PAG1: variants seen among roughly 807,000 people sequenced by gnomAD.
PAG1 encodes phosphoprotein membrane anchor with glycosphingolipid microdomains 1.
In PAG1, 23 loss-of-function variants were observed where a neutral mutation model predicts 31.7. The ratio of observed to expected loss-of-function variants is 0.73; its 90% CI spans 0.52 to 1.03. The LOEUF is 1.03. Ranked by LOEUF, PAG1 falls within the 50% of genes least tolerant of loss-of-function variation. The pLI, the probability that PAG1 is intolerant of heterozygous loss-of-function variation, is 0.00. For missense variants in PAG1, 473 were observed against 540.7 expected (o/e 0.87, Z 1.24); for synonymous variants, 214 against 210.3 (o/e 1.02, Z -0.15).
rs1374013712 is a variant in PAG1, at chr8:80,984,998, A to G, written c.654T>C (p.Thr218=). ...ATTCAGCAAACTCAGCTTTGCCTTC[A>G]GTCTGGGGCCCTGGGAGCTCTTTCG... is the stretch of plus-strand genomic sequence containing the variant. ...SASKELPGPQ[T]EGKAEFAEYA... is the part of the protein sequence containing the mutation. Residue 218 remains threonine (T), a synonymous_variant, in exon 7 of 9, where the codon ACT becomes ACC. Coordinates refer to ENST00000220597, the MANE Select transcript of PAG1 (RefSeq NM_018440.4). The G allele has an allele frequency of 6.2e-7, 1 of 1,613,978 alleles. No homozygotes were observed. Among genetic ancestry groups the G allele is most frequent in the Non-Finnish European group, 8.5e-7 (1 of 1,179,998 alleles).
At chr8:81,062,638 A>G (rs1194869204) in intron 2 of PAG1, among the ~76,000 whole-genome samples, 2 of 152,210 alleles carry the variant, frequency 1.3e-5, no homozygotes, top group Admixed American at 6.5e-5. Context: ...CTGATTTGTC[A>G]TAGTTAAAGC....
chr8:81,018,108 G>A (rs965936965), intron 3 of PAG1, among the ~76,000 whole-genome samples: 9 of 152,184 alleles, frequency 5.9e-5, no homozygotes, highest in African/African-American at 1.4e-4. Flanking sequence ...TAATTAACTC[G>A]ACAAGCATAA....
chr8:81,068,555 G>A (rs1231885308), intron 2 of PAG1, among the ~76,000 whole-genome samples: 1 of 152,120 alleles, frequency 6.6e-6, no homozygotes, highest in Non-Finnish European at 1.5e-5. Context: ...CTTATATCTA[G>A]TCAGAAAAAA....
chr8:80,984,452 A>C (rs970600982), intron 7 of PAG1, among the ~76,000 whole-genome samples: 2 of 152,130 alleles, frequency 1.3e-5, no homozygotes, highest in African/African-American at 4.8e-5. Flanking sequence ...AATGGGTAAA[A>C]TGTGTGGGCA....
intron 2 of PAG1, among the ~76,000 whole-genome samples, chr8:81,061,709 G>C (rs1808919805): frequency 6.6e-6 from 1 of 152,202 alleles, no homozygotes; most frequent in African/African-American, 2.4e-5. Flanking sequence ...TGTAGGTGAA[G>C]ACTGACAAAA....
At chr8:81,031,624 TA>T (rs1232569727) in intron 2 of PAG1, among the ~76,000 whole-genome samples, 1 of 152,268 alleles carries the variant, frequency 6.6e-6, no homozygotes, top group Non-Finnish European at 1.5e-5. Context: ...AACAATTTTT[TA>T]AAAAATGTCA....
At chr8:80,991,372 C>T (rs1466246861) in intron 5 of PAG1, 107 bp downstream of exon 5, 6 of 833,262 alleles carry the variant, frequency 7.2e-6, no homozygotes, top group African/African-American at 1.7e-5. Context: ...CTTAGCTCTC[C>T]CCGTGGGTTC....
In PAG1 at chr8:81,104,559, C is replaced by A. The variant is rs575499926; in HGVS notation, c.-234+7032G>T. 5.3e-5 allele frequency among the ~76,000 whole-genome samples: 8 copies of A among 152,282 alleles called. No homozygotes were observed. The East Asian group carries it at 9.6e-4, about 18-fold the overall frequency. ...TGCATCTCAGGTCCTGAATGTCCCT[C>A]TGGTGCCTCACAGTGCATAAATCCA... On this transcript the variant is annotated intron_variant, in intron 1 of 8. Transcript: ENST00000220597.
intron 1 of PAG1, among the ~76,000 whole-genome samples, chr8:81,088,990 T>C (rs1338428335): frequency 6.6e-6 from 1 of 152,222 alleles, no homozygotes; most frequent in Non-Finnish European, 1.5e-5. Flanking sequence ...TTTAATATGC[T>C]AAATGATTTT....
intron 3 of PAG1, among the ~76,000 whole-genome samples, chr8:80,999,116 G>A (rs932170366): frequency 5.9e-5 from 9 of 152,228 alleles, no homozygotes; most frequent in Non-Finnish European, 1.0e-4. Context: ...CCCAGAAAGA[G>A]TTTTAAGCTA....
At chr8:81,060,662 C>G (rs1360447733) in intron 2 of PAG1, among the ~76,000 whole-genome samples, 2 of 152,178 alleles carry the variant, frequency 1.3e-5, no homozygotes, top group Non-Finnish European at 2.9e-5. Flanking sequence ...ATGGCCAGAA[C>G]TAGTTTGGAA....
At chr8:81,001,168 T>C (rs1305782103) in intron 3 of PAG1, among the ~76,000 whole-genome samples, 2 of 152,220 alleles carry the variant, frequency 1.3e-5, no homozygotes, top group Admixed American at 6.5e-5. Flanking sequence ...TACAAGTTTT[T>C]TCCTTCCTTA....
intron 8 of PAG1, 107 bp downstream of exon 8, chr8:80,980,328 A>T: frequency 1.5e-6 from 1 of 680,730 alleles, no homozygotes; most frequent in South Asian, 1.7e-5. Context: ...TAGGCATAGG[A>T]GAATATTTCA....
Position 81,101,328 on chromosome 8 carries a change from A to T in PAG1, c.-234+10263T>A, listed in dbSNP as rs116303462. ...ATTTTGGGCAAAGTGACCACTACATAATAAAGCAAAAGAAAAATATTCGTA... is the reference window on the plus strand; with the variant it reads ...ATTTTGGGCAAAGTGACCACTACATTATAAAGCAAAAGAAAAATATTCGTA... On this transcript the variant is annotated intron_variant, in intron 1 of 8. Coordinates refer to ENST00000220597, the MANE Select transcript of PAG1 (RefSeq NM_018440.4). Among the ~76,000 whole-genome samples, 661 of 152,340 alleles carry T rather than the reference A, an allele frequency of 4.3e-3. 4 individuals are homozygous for T. The highest frequency in any genetic ancestry group is 0.015 in the African/African-American group (619 of 41,578).
chr8:81,025,076 G>T (rs146712435), intron 3 of PAG1, among the ~76,000 whole-genome samples: 319 of 152,168 alleles, frequency 2.1e-3, no homozygotes, highest in African/African-American at 7.4e-3. Context: ...TTTAAAAAGG[G>T]ACTGGAATTT....
At chr8:81,060,069 A>T (rs1043027859) in intron 2 of PAG1, among the ~76,000 whole-genome samples, 13 of 152,190 alleles carry the variant, frequency 8.5e-5, no homozygotes, top group South Asian at 2.1e-4. Flanking sequence ...GAAAATAATT[A>T]AAAAATCTGA....
chr8:81,066,746 G>GA (rs1809015124), intron 2 of PAG1, among the ~76,000 whole-genome samples: 1 of 152,182 alleles, frequency 6.6e-6, no homozygotes, highest in South Asian at 2.1e-4. Flanking sequence ...AAGGGAGAAA[G>GA]AAAAAAGGGA....
intron 2 of PAG1, among the ~76,000 whole-genome samples, chr8:81,064,737 G>A (rs11778741): frequency 0.39 from 59,304 of 151,898 alleles, 12,342 homozygotes; most frequent in East Asian, 0.76. Flanking sequence ...TAGTTCTTAC[G>A]ATCTTCTCAA....
At chr8:81,109,001 T>C (rs1024300790) in intron 1 of PAG1, among the ~76,000 whole-genome samples, 3 of 152,124 alleles carry the variant, frequency 2.0e-5, no homozygotes, top group African/African-American at 4.8e-5. Flanking sequence ...ACTGTGTAGA[T>C]TGCTGCAGCT....
Sources: gnomAD v4.1 joint callset for allele counts (sites outside exome capture counted in the v4.1 genomes callset) on GRCh38, gnomAD v4.1.1 for gene constraint, MANE v1.5 for transcripts, NCBI Gene and HGNC (gene_info 2026-07-23, HGNC 2026-07-21) for gene names.